MEGF6: variants seen among roughly 807,000 people sequenced by gnomAD.
MEGF6 encodes the protein multiple epidermal growth factor-like domains protein 6.
A neutral mutation model predicts 207.1 loss-of-function variants in MEGF6; 184 were observed. The observed-to-expected ratio is 0.89, with a 90% confidence interval of 0.79 to 1.00. The LOEUF is 1.00. MEGF6 is among the 50% of genes least tolerant of loss of function. The pLI, the probability that MEGF6 is intolerant of heterozygous loss-of-function variation, is 0.00. For synonymous variants in MEGF6, 1,038 were observed against 910.0 expected (o/e 1.14, Z -2.53); for missense variants, 2,282 against 2,202.9 (o/e 1.04, Z -0.72).
At chr1:3,588,505 G>C (rs1643929283) in intron 3 of MEGF6, among the ~76,000 whole-genome samples, 1 of 120,602 alleles carries the variant, frequency 8.3e-6, no homozygotes, top group African/African-American at 3.2e-5. Context: ...GGCAGGACAG[G>C]GCAGGAGGGG....
the MEGF6 span, among the ~76,000 whole-genome samples, chr1:3,621,558 T>C: frequency 6.6e-6 from 1 of 152,222 alleles, no homozygotes; most frequent in Non-Finnish European, 1.5e-5. Flanking sequence ...CTAGTATAAC[T>C]CTTGTTATTT....
In MEGF6 at chr1:3,509,097, T is replaced by C. The variant is rs1641229736; in HGVS notation, c.1506A>G (p.Glu502=). The change falls in exon 12 of 37, where the codon GAA becomes GAG. Residue 502 remains glutamate, a synonymous_variant. Transcript: ENST00000356575. ...CACCAAACTTCTCTGTGAGCGTGTG[T>C]TCGCCCCGCAACTCTGCCTCTTCCT... ...ADEEEAELRG[E]HTLTEKFVCL... is the part of the protein sequence containing the mutation. 4 of 1,598,202 alleles carry C rather than the reference T, an allele frequency of 2.5e-6. No homozygotes were observed. Among genetic ancestry groups the C allele is most frequent in the Non-Finnish European group, 3.4e-6 (4 of 1,173,662 alleles).
chr1:3,612,685 G>C (rs531416526), upstream of MEGF6, among the ~76,000 whole-genome samples: 2 of 152,286 alleles, frequency 1.3e-5, no homozygotes, highest in Admixed American at 6.5e-5. Context: ...CCCCTCCAAG[G>C]CTTCGTGTGG....
In MEGF6 at chr1:3,505,209, T is replaced by G. The variant is rs545394744; in HGVS notation, c.2187A>C (p.Gln729His). ...GAGCCCCAGGGGCCGGCCACTCACC[T>G]TGGCCACAGTCCTCTCCCTGGAAGC... ...PAGFQGEDCG[Q>H]ECPVGTFGVN... The change falls in exon 17 of 37, where the codon CAA becomes CAC. Residue 729 changes from glutamine (Q) to histidine (H), a missense_variant and splice_region_variant. Coordinates refer to ENST00000356575, the MANE Select transcript of MEGF6 (RefSeq NM_001409.4). 7 of 1,611,736 alleles carry G rather than the reference T, an allele frequency of 4.3e-6. No individual in the cohort carries two copies. In the African/African-American group the frequency reaches 8.0e-5, roughly 18 times the overall value.
chr1:3,493,065 G>A (rs1203072802), intron 34 of MEGF6: 1 of 449,486 alleles, frequency 2.2e-6, no homozygotes, highest in Non-Finnish European at 4.1e-6. Context: ...GCAAACAGGA[G>A]CCAGTGTTCA....
At position 3,560,014 on chromosome 1, in the gene MEGF6, T is replaced by G. The variant is rs1038190292; in HGVS notation, c.481+19811A>C. ...AACAGTATGAGAGTCCGTCTCAAAA[T>G]AAAAGAAAAAAAAAAAAAAAAAGGA... is the stretch of plus-strand genomic sequence containing the variant. On this transcript the variant is annotated intron_variant, in intron 4 of 36. Transcript: ENST00000356575. The surrounding 1 kb of genome is among the most constrained non-coding windows in gnomAD (Gnocchi z 4.0). 2.5e-5 allele frequency among the ~76,000 whole-genome samples: 1 copy of G among 40,306 alleles called. No individual in the cohort carries two copies. The highest frequency in any genetic ancestry group is 7.9e-4 in the East Asian group (1 of 1,258). The allele number at this position is 40,306 out of a possible 152,430, so 26.4% of individuals were successfully genotyped here. A position where few individuals can be genotyped will look rare whatever the true frequency, so the allele number is the denominator to read the frequency against.
intron 4 of MEGF6, among the ~76,000 whole-genome samples, chr1:3,538,006 T>C (rs900355734): frequency 6.6e-6 from 1 of 152,146 alleles, no homozygotes; most frequent in African/African-American, 2.4e-5. Flanking sequence ...TGGCCCCCAC[T>C]GCAGACAGCA....
intron 3 of MEGF6, among the ~76,000 whole-genome samples, chr1:3,589,197 T>C (rs931914425): frequency 5.3e-5 from 8 of 152,132 alleles, no homozygotes; most frequent in Non-Finnish European, 7.4e-5. Flanking sequence ...CCGCGGAAGC[T>C]GGAAGAGATA....
intron 2 of MEGF6, 63 bp downstream of exon 2, chr1:3,602,403 G>A (rs1380911583): frequency 2.5e-6 from 4 of 1,608,100 alleles, no homozygotes; most frequent in Non-Finnish European, 3.4e-6. Context: ...CCAGCTCCCG[G>A]GTGGTCAGTG....
chr1:3,611,161 G>A lies in MEGF6; in HGVS notation c.108C>T (p.Pro36=). ...VPVGASVPPR[P]LLPLQPGMPH... is the part of the protein sequence containing the mutation. ...ACATGCCGGGCTGCAGCGGGAGCAG[G>A]GGCCGCGGCGGAACGCTGGCGCCCA... The change falls in exon 1 of 37, where the codon CCC becomes CCT. Residue 36 remains proline, a synonymous_variant. Transcript: ENST00000356575. 2.6e-6 allele frequency: 4 copies of A among 1,533,548 alleles called. No homozygotes were observed. Among genetic ancestry groups the A allele is most frequent in the Non-Finnish European group, 2.6e-6 (3 of 1,149,574 alleles). The allele number at this position is 1,533,548 out of a possible 1,614,324, so 95.0% of individuals were successfully genotyped here.
the MEGF6 span, among the ~76,000 whole-genome samples, chr1:3,617,249 T>C: frequency 2.6e-5 from 4 of 151,452 alleles, no homozygotes; most frequent in Non-Finnish European, 5.9e-5. Context: ...GTGCTGACAC[T>C]CAGATGGAAA....
intron 11 of MEGF6, among the ~76,000 whole-genome samples, chr1:3,509,530 G>T (rs114672285): frequency 6.6e-6 from 1 of 152,192 alleles, no homozygotes; most frequent in Non-Finnish European, 1.5e-5. Context: ...AGGGGTAGGG[G>T]TGGGAGCAGC....
intron 3 of MEGF6, among the ~76,000 whole-genome samples, chr1:3,582,883 T>C (rs1643832242): frequency 6.6e-6 from 1 of 152,190 alleles, no homozygotes; most frequent in African/African-American, 2.4e-5. Context: ...AGGCACTCAG[T>C]TGGGGTGACA....
rs532997514 is a variant in MEGF6 at position 3,565,242 on chromosome 1, C to T, written c.481+14583G>A. ...GGCAGTTGGGCGTCCCCAGGCGCCT[C>T]CTTGTTTATCAGACATGGCACCGAG... On this transcript the variant is annotated intron_variant, in intron 4 of 36. Transcript: ENST00000356575. This position sits in a 1 kb window ranked among gnomAD's most constrained non-coding sequence, Gnocchi z 4.8. 6.6e-6 allele frequency among the ~76,000 whole-genome samples: 1 copy of T among 152,134 alleles called. No individual in the cohort carries two copies. Among genetic ancestry groups the T allele is most frequent in the Non-Finnish European group, 1.5e-5 (1 of 67,998 alleles).
intron 34 of MEGF6, chr1:3,493,483 A>G (rs1368754362): frequency 2.4e-5 from 12 of 493,986 alleles, no homozygotes; most frequent in Non-Finnish European, 4.3e-5. Flanking sequence ...AGATCAGGGA[A>G]GTCTTTCCAC....
intron 28 of MEGF6, 67 bp downstream of exon 28, chr1:3,496,921 G>A: frequency 6.5e-7 from 1 of 1,530,606 alleles, no homozygotes; most frequent in Non-Finnish European, 8.8e-7. Flanking sequence ...CCGGGGACCA[G>A]GGGAACTGGG....
At chr1:3,601,018 C>T (rs913125667) in intron 2 of MEGF6, among the ~76,000 whole-genome samples, 1 of 152,134 alleles carries the variant, frequency 6.6e-6, no homozygotes, top group East Asian at 1.9e-4. Flanking sequence ...GGGAGGGGAT[C>T]CCCTGCCAGT....
At chr1:3,593,910 A>G (rs747062220) in intron 3 of MEGF6, among the ~76,000 whole-genome samples, 2 of 151,828 alleles carry the variant, frequency 1.3e-5, no homozygotes, top group Non-Finnish European at 2.9e-5. Flanking sequence ...AGAATTACCC[A>G]CTTCCTCTAC....
At chr1:3,515,370 CA>C in intron 6 of MEGF6, 31 bp downstream of exon 6, 1 of 1,593,780 alleles carries the variant, frequency 6.3e-7, no homozygotes, top group African/African-American at 1.3e-5. Flanking sequence ...CCTCCACCCC[CA>C]GGTCCTCCCT....
Sources: gnomAD v4.1 joint callset for allele counts (sites outside exome capture counted in the v4.1 genomes callset) on GRCh38, gnomAD v4.1.1 for gene constraint, Gnocchi (gnomAD v3.1) non-coding constraint, MANE v1.5 for transcripts, NCBI Gene and HGNC (gene_info 2026-07-23, HGNC 2026-07-21) for gene names.